Variants in SNX13 observed in about 807,000 individuals in gnomAD.
SNX13 encodes sorting nexin-13.
Under a neutral mutation model 133.6 loss-of-function variants are expected in SNX13, and 45 were observed. The ratio of observed to expected loss-of-function variants is 0.34; its 90% CI spans 0.27 to 0.43. SNX13 has a LOEUF of 0.43. Among genes scored for constraint, SNX13 ranks in the 20% least tolerant of loss-of-function variants. SNX13 has a pLI of 1.00. For missense variants in SNX13, 1,032 were observed against 1,145.1 expected, an observed-to-expected ratio of 0.90 and a Z score of 1.43; for synonymous variants, 414 against 373.9, an observed-to-expected ratio of 1.11 and a Z score of -1.24.
chr7:17,868,550 T>C (rs1163157742), intron 8 of SNX13, 60 bp from the exon 9 acceptor site: 1 of 1,294,658 alleles, frequency 7.7e-7, no homozygotes, highest in Non-Finnish European at 1.1e-6. Context: ...AACAGCATAA[T>C]GTAAATATTC....
Position 17,890,408 on chromosome 7 carries a change from T to C in SNX13, c.395A>G (p.Glu132Gly). The C allele has an allele frequency of 1.2e-6, 2 of 1,611,272 alleles. No homozygotes were observed. Among genetic ancestry groups the C allele is most frequent in the Non-Finnish European group, 1.7e-6 (2 of 1,178,320 alleles). Residue 132 changes from glutamate to glycine, a missense_variant, in exon 5 of 26, where the codon GAA (glutamate) becomes GGA (glycine). Physicochemically the swap from Glu to Gly is moderately conservative, Grantham distance 98. Transcript: ENST00000428135. ...TLSDDESFLL[E>G]IRQTLQNALI... is the part of the protein sequence containing the mutation. ...TGCGTTTTGAAGAGTCTGCCTAATTTCAAGAAGAAAAGATTCATCATCGCT... is the reference window on the plus strand; with the variant it reads ...TGCGTTTTGAAGAGTCTGCCTAATTCCAAGAAGAAAAGATTCATCATCGCT...
At chr7:17,865,834 A>G (rs1793333269) in intron 9 of SNX13, among the ~76,000 whole-genome samples, 1 of 152,184 alleles carries the variant, frequency 6.6e-6, no homozygotes, top group Admixed American at 6.5e-5. Flanking sequence ...AAATAAACCC[A>G]CACATTCACA....
chr7:17,856,996 C>T (rs957040710), intron 9 of SNX13, among the ~76,000 whole-genome samples: 4 of 151,306 alleles, frequency 2.6e-5, no homozygotes, highest in Admixed American at 6.6e-5. Flanking sequence ...TAAATGTTTA[C>T]GCTAGACTAA....
intron 20 of SNX13, among the ~76,000 whole-genome samples, chr7:17,809,658 A>G (rs994338496): frequency 6.6e-6 from 1 of 152,244 alleles, no homozygotes; most frequent in Non-Finnish European, 1.5e-5. Flanking sequence ...CCAAGTCAAC[A>G]GAACATACAT....
intron 20 of SNX13, among the ~76,000 whole-genome samples, chr7:17,806,374 C>G (rs767516901): frequency 6.6e-6 from 1 of 152,072 alleles, no homozygotes; most frequent in Non-Finnish European, 1.5e-5. Flanking sequence ...TTCTGAATAG[C>G]CATTGATAAA....
chr7:17,802,566 A>C (rs1444876930), intron 21 of SNX13, among the ~76,000 whole-genome samples: 1 of 152,162 alleles, frequency 6.6e-6, no homozygotes, highest in African/African-American at 2.4e-5. Flanking sequence ...GAACAGCAGA[A>C]GTGCGACTGA....
chr7:17,860,799 A>T (rs1792580314), intron 9 of SNX13, among the ~76,000 whole-genome samples: 1 of 152,180 alleles, frequency 6.6e-6, no homozygotes, highest in Admixed American at 6.5e-5. Flanking sequence ...TCAGTTCTCT[A>T]TTCTGTTCCA....
intron 13 of SNX13, among the ~76,000 whole-genome samples, chr7:17,837,430 G>A (rs1198805476): frequency 2.6e-5 from 4 of 151,964 alleles, no homozygotes; most frequent in Non-Finnish European, 4.4e-5. Flanking sequence ...GTGAGCCACT[G>A]CACCTAGCCT....
chr7:17,910,606 T>A (rs1299271294), intron 1 of SNX13, among the ~76,000 whole-genome samples: 1 of 152,134 alleles, frequency 6.6e-6, no homozygotes, highest in African/African-American at 2.4e-5. Flanking sequence ...AACAGAAACA[T>A]GTACACACAT....
rs535073836 is a variant in SNX13, at chr7:17,895,609, A to G, written c.125+1725T>C. On this transcript the variant is annotated intron_variant, in intron 2 of 25. Transcript: ENST00000428135. ...TCCTCTAGTATCCCACCTTATCTCC[A>G]AATTTTTACAGAACTTTGTAAGCAT... is the stretch of plus-strand genomic sequence containing the variant. Among the ~76,000 whole-genome samples, 7 of 152,270 alleles carry G rather than the reference A, an allele frequency of 4.6e-5. No homozygotes were observed. In the South Asian group the frequency reaches 1.2e-3, roughly 27 times the overall value.
At chr7:17,837,350 T>C (rs985986019) in intron 13 of SNX13, among the ~76,000 whole-genome samples, 2 of 151,912 alleles carry the variant, frequency 1.3e-5, no homozygotes, top group Non-Finnish European at 1.5e-5. Flanking sequence ...ATGTTGTCCA[T>C]GCTGGTCTCA....
chr7:17,858,232 A>G (rs188441319), intron 9 of SNX13, among the ~76,000 whole-genome samples: 111 of 152,290 alleles, frequency 7.3e-4, no homozygotes, highest in Middle Eastern at 3.4e-3. Context: ...GAAAAAGTCA[A>G]TTTGTCCTTG....
At chr7:17,807,052 G>T (rs1785385052) in intron 20 of SNX13, among the ~76,000 whole-genome samples, 1 of 152,150 alleles carries the variant, frequency 6.6e-6, no homozygotes, top group Admixed American at 6.5e-5. Flanking sequence ...CACCAAGCTA[G>T]CTGCAGGAGT....
rs184734841 is a variant in SNX13, at chr7:17,811,054, A to G, written c.2064+3780T>C. On this transcript the variant is annotated intron_variant, in intron 20 of 25. Transcript: ENST00000428135. ...AAAAACACAGCCAATATCATACTGAATGGGCAAAAGCTGGAAGCATTCCCT... is the reference window on the plus strand; with the variant it reads ...AAAAACACAGCCAATATCATACTGAGTGGGCAAAAGCTGGAAGCATTCCCT... 9.9e-3 allele frequency among the ~76,000 whole-genome samples: 1,514 copies of G among 152,344 alleles called. 12 individuals carry two copies. The highest frequency in any genetic ancestry group is 0.017 in the Middle Eastern group (5 of 294).
At chr7:17,850,280 T>C in intron 11 of SNX13, 67 bp downstream of exon 11, 1 of 1,001,434 alleles carries the variant, frequency 1.0e-6, no homozygotes, top group East Asian at 3.0e-5. Flanking sequence ...TGTCCTTTAC[T>C]GTGCATTTTT....
At chr7:17,912,599 C>T (rs1037446690) in intron 1 of SNX13, among the ~76,000 whole-genome samples, 32 of 151,948 alleles carry the variant, frequency 2.1e-4, no homozygotes, top group African/African-American at 7.5e-4. Flanking sequence ...CTAGTAGAGA[C>T]GGGGTTTACA....
intron 1 of SNX13, among the ~76,000 whole-genome samples, chr7:17,908,009 G>A (rs1798576726): frequency 6.6e-6 from 1 of 152,084 alleles, no homozygotes. Flanking sequence ...ACTACACACT[G>A]AACGCTCCTA....
intron 22 of SNX13, among the ~76,000 whole-genome samples, chr7:17,800,605 T>C (rs886800855): frequency 5.9e-5 from 9 of 151,740 alleles, no homozygotes; most frequent in African/African-American, 2.2e-4. Flanking sequence ...AGATAACATA[T>C]ATAGCACAAG....
intron 20 of SNX13, among the ~76,000 whole-genome samples, chr7:17,807,108 C>T (rs989292622): frequency 6.6e-6 from 1 of 152,210 alleles, no homozygotes; most frequent in Middle Eastern, 3.4e-3. Flanking sequence ...GACACAGAAC[C>T]GTTCACTCCC....
Sources: gnomAD v4.1 joint callset for allele counts (sites outside exome capture counted in the v4.1 genomes callset) on GRCh38, gnomAD v4.1.1 for gene constraint, MANE v1.5 for transcripts, NCBI Gene and HGNC (gene_info 2026-07-23, HGNC 2026-07-21) for gene names.